The following HNRNPK variants were observed in gnomAD, a reference collection of about 807,000 sequenced individuals.
The protein encoded by HNRNPK is dC-stretch binding protein.
A neutral mutation model predicts 67.0 loss-of-function variants in HNRNPK; 7 were observed. The ratio of observed to expected loss-of-function variants is 0.10; its 90% confidence interval spans 0.06 to 0.20. HNRNPK has a LOEUF of 0.20. HNRNPK is among the 10% of genes least tolerant of loss of function. The pLI, the probability that HNRNPK is intolerant of heterozygous loss-of-function variation, is 1.00. For missense variants in HNRNPK, 264 were observed against 606.5 expected (o/e 0.44, Z 5.93); for synonymous variants, 213 against 193.7 (o/e 1.10, Z -0.83).
In HNRNPK at chr9:83,978,271, C is replaced by G. The variant is rs746131786; in HGVS notation, c.-19G>C. On this transcript the variant is annotated 5_prime_UTR_variant, in exon 3 of 17. Transcript: ENST00000376263. ...TTTCCATATTCTTTTATTAAACGGG[C>G]ACACCAATCTGTGGAAAAATAAAGC... The G allele has an allele frequency of 2.7e-5, 43 of 1,601,758 alleles. No homozygotes were observed. Among genetic ancestry groups the G allele is most frequent in the Non-Finnish European group, 3.7e-5 (43 of 1,174,820 alleles).
At chr9:83,970,028 T>A in intron 16 of HNRNPK, 134 bp downstream of exon 16, 1 of 696,478 alleles carries the variant, frequency 1.4e-6, no homozygotes, top group Non-Finnish European at 2.4e-6. Flanking sequence ...AGGCAAACTA[T>A]TAGAATGTTT....
At chr9:83,976,910 T>C in intron 5 of HNRNPK, 85 bp downstream of exon 5, 1 of 747,982 alleles carries the variant, frequency 1.3e-6, no homozygotes, top group Non-Finnish European at 2.3e-6. Context: ...AACTATGAAA[T>C]GATTTCTAGG....
Position 83,970,053 on chromosome 9 carries a change from C to G in HNRNPK, c.1361+109G>C, listed in dbSNP as rs1202678809. ...TTAGAATGTTTAGAAGTTAGGTCCC[C>G]AAAAGGTTGAGACACCATGGCTTCT... is the stretch of plus-strand genomic sequence containing the variant. On this transcript the variant is annotated intron_variant, in intron 16 of 16. Transcript: ENST00000376263. 3 of 874,778 alleles carry G rather than the reference C, an allele frequency of 3.4e-6. No individual in the cohort carries two copies. In the African/African-American group the frequency reaches 5.1e-5, roughly 15 times the overall value. 54.2% of individuals were successfully genotyped at this position (874,778 alleles called of 1,614,324 possible). A position where few individuals can be genotyped will look rare whatever the true frequency, so the allele number is the denominator to read the frequency against.
At chr9:83,971,201 A>C (rs750046199) in intron 13 of HNRNPK, 72 bp downstream of exon 13, 6 of 1,082,066 alleles carry the variant, frequency 5.5e-6, no homozygotes, top group Non-Finnish European at 8.6e-6. Context: ...AGGGGAATAA[A>C]AAACTTACTG....
At position 83,970,232 on chromosome 9, in the gene HNRNPK, C is replaced by CA; in HGVS notation, c.1290_1291insT (p.Glu431Ter). On this transcript the variant is annotated frameshift_variant, in exon 16 of 17. Transcript: ENST00000376263. LOFTEE classifies it high-confidence loss of function. ...CCTGTAATGGTAATGATCCGATCTT[C>CA]GGATCCTTCTAAAGGCTCATCAATT... 1 of 1,613,534 alleles carries CA rather than the reference C, an allele frequency of 6.2e-7. No homozygotes were observed. Among genetic ancestry groups the CA allele is most frequent in the Non-Finnish European group, 8.5e-7 (1 of 1,179,534 alleles).
In HNRNPK at chr9:83,971,719, T is replaced by C. The variant is rs2133028304; in HGVS notation, c.961A>G (p.Met321Val). The C allele has an allele frequency of 6.2e-7, 1 of 1,613,806 alleles. No homozygotes were observed. Among genetic ancestry groups the C allele is most frequent in the Non-Finnish European group, 8.5e-7 (1 of 1,179,684 alleles). Residue 321 changes from methionine (M) to valine (V), a missense_variant, in exon 12 of 17, where the codon ATG becomes GTG. Met to Val is a conservative substitution (Grantham distance 21, BLOSUM62 1). Transcript: ENST00000376263. Reference protein sequence around the residue: ...PPPPPRGGDLMAYDRRGRPGD... With the variant: ...PPPPPRGGDLVAYDRRGRPGD... ...GGTCTCCCTCTTCTGTCATAGGCCA[T>C]GAGGTCTCTGCAAGCATAGTACTTG... is the stretch of plus-strand genomic sequence containing the variant.
intron 6 of HNRNPK, among the ~76,000 whole-genome samples, chr9:83,974,862 C>A (rs1190935317): frequency 6.6e-6 from 1 of 152,176 alleles, no homozygotes; most frequent in South Asian, 2.1e-4. Flanking sequence ...CTGACCAGAA[C>A]TGAAGCAGAG....
In HNRNPK at chr9:83,972,326, T is replaced by C. The variant is rs541052461; in HGVS notation, c.646-137A>G. ...GTACTAGAGACAGAAACAGGAATTATGTCAACGCTAAAAGTAGCAAAGTAA... is the reference window on the plus strand; with the variant it reads ...GTACTAGAGACAGAAACAGGAATTACGTCAACGCTAAAAGTAGCAAAGTAA... On this transcript the variant is annotated intron_variant, in intron 10 of 16. Coordinates refer to ENST00000376263, the MANE Select transcript of HNRNPK (RefSeq NM_031263.4). 106 of 656,360 alleles carry C rather than the reference T, an allele frequency of 1.6e-4. No individual in the cohort carries two copies. In the African/African-American group the frequency reaches 1.8e-3, roughly 11 times the overall value. The allele number at this position is 656,360 out of a possible 1,614,324, so 40.7% of individuals were successfully genotyped here.
chr9:83,970,550 TTTA>T lies in HNRNPK; in HGVS notation c.1191+184_1191+186del, dbSNP rs1167581444. The T allele has an allele frequency of 1.6e-5, 10 of 642,894 alleles. No individual in the cohort carries two copies. The East Asian group carries it at 2.2e-4, about 14-fold the overall frequency. 39.8% of individuals were successfully genotyped at this position (642,894 alleles called of 1,614,324 possible). ...AGGGCTCAAAACCTACTTAACTACT[TTTA>T]TTAATAGCACTGATCACTTGACAAG... On this transcript the variant is annotated intron_variant, in intron 15 of 16. Transcript: ENST00000376263.
chr9:83,976,001 A>G (rs1437349072), intron 5 of HNRNPK, among the ~76,000 whole-genome samples: 3 of 152,234 alleles, frequency 2.0e-5, no homozygotes, highest in Non-Finnish European at 4.4e-5. Flanking sequence ...AAATGGGGAA[A>G]TTAATAACCC....
intron 16 of HNRNPK, 27 bp from the exon 17 acceptor site, chr9:83,969,467 GA>G: frequency 2.0e-6 from 3 of 1,505,870 alleles, no homozygotes; most frequent in Non-Finnish European, 2.7e-6. Context: ...AAAAAAGTGC[GA>G]ATTAGAATTT....
At chr9:83,972,524 G>C (rs1250758665) in intron 10 of HNRNPK, among the ~76,000 whole-genome samples, 1 of 152,170 alleles carries the variant, frequency 6.6e-6, no homozygotes, top group East Asian at 1.9e-4. Context: ...GGGCTGAAGA[G>C]ATCAGTCTTG....
intron 13 of HNRNPK, 28 bp downstream of exon 13, chr9:83,971,245 A>C (rs1210444801): frequency 1.4e-6 from 2 of 1,397,710 alleles, no homozygotes; most frequent in South Asian, 1.2e-5. Flanking sequence ...TATCACTGAT[A>C]TACACACGAA....
chr9:83,977,855 G>A, intron 3 of HNRNPK, 69 bp from the exon 4 acceptor site: 2 of 956,174 alleles, frequency 2.1e-6, no homozygotes, highest in South Asian at 2.8e-5. Flanking sequence ...TCTGTTTCAA[G>A]AGACTTGTTG....
chr9:83,978,497 T>A, intron 1 of HNRNPK, 45 bp from the exon 2 acceptor site: 1 of 549,292 alleles, frequency 1.8e-6, no homozygotes, highest in Non-Finnish European at 2.7e-6. Flanking sequence ...TTTATTCTTA[T>A]TACTGAATAT....
chr9:83,971,076 G>A, intron 13 of HNRNPK, 164 bp from the exon 14 acceptor site: 1 of 756,348 alleles, frequency 1.3e-6, no homozygotes, highest in Non-Finnish European at 2.2e-6. Context: ...TTTGTAGTTG[G>A]GATTATGAGT....
chr9:83,979,515 C>G (rs1319018695), intron 1 of HNRNPK, among the ~76,000 whole-genome samples: 1 of 152,242 alleles, frequency 6.6e-6, no homozygotes, highest in East Asian at 1.9e-4. Flanking sequence ...AACGCGCCCT[C>G]CCCTCCCCGC....
chr9:83,969,227 G>T lies in HNRNPK; in HGVS notation c.*180C>A. 3.0e-6 allele frequency: 2 copies of T among 672,212 alleles called. No individual in the cohort carries two copies. The highest frequency in any genetic ancestry group is 5.3e-6 in the Non-Finnish European group (2 of 374,226). 41.6% of individuals were successfully genotyped at this position (672,212 alleles called of 1,614,324 possible). ...AAGGAACTAAAACATTACATCTGGT[G>T]AACAGCAAAGATTTCACTACACCTC... is the stretch of plus-strand genomic sequence containing the variant. On this transcript the variant is annotated 3_prime_UTR_variant, in exon 17 of 17. Transcript: ENST00000376263.
intron 16 of HNRNPK, 110 bp downstream of exon 16, chr9:83,970,052 C>T (rs1340976499): frequency 5.8e-6 from 5 of 858,834 alleles, no homozygotes; most frequent in East Asian, 2.5e-5. Flanking sequence ...AGTTAGGTCC[C>T]CAAAAGGTTG....
Sources: allele counts gnomAD v4.1 joint callset (sites outside exome capture counted in the v4.1 genomes callset), GRCh38; gene constraint gnomAD v4.1.1; transcripts MANE v1.5; gene names NCBI Gene and HGNC (gene_info 2026-07-23, HGNC 2026-07-21).